TLL2: variants seen among roughly 807,000 people sequenced by gnomAD.
TLL2 encodes tolloid-like protein 2.
A neutral mutation model predicts 123.0 loss-of-function variants in TLL2; 106 were observed. That is an observed-to-expected ratio of 0.86 (90% CI 0.74 to 1.01). TLL2 has a LOEUF of 1.01. Among genes scored for constraint, TLL2 ranks in the 50% least tolerant of loss-of-function variants. The pLI is 0.00. For synonymous variants in TLL2, 494 were observed against 516.8 expected, an observed-to-expected ratio of 0.96 and a Z score of 0.60; for missense variants, 1,332 against 1,336.7, an observed-to-expected ratio of 1.00 and a Z score of 0.06.
intron 3 of TLL2, among the ~76,000 whole-genome samples, chr10:96,437,528 T>G (rs980921316): frequency 2.0e-5 from 3 of 152,240 alleles, no homozygotes; most frequent in African/African-American, 7.2e-5. Flanking sequence ...TGTTGTTATT[T>G]TATAACAATA....
intron 10 of TLL2, among the ~76,000 whole-genome samples, chr10:96,402,728 T>G (rs1179467776): frequency 6.6e-6 from 1 of 152,172 alleles, no homozygotes; most frequent in Non-Finnish European, 1.5e-5. Context: ...CTGACTGACT[T>G]CTTCTAATGC....
chr10:96,428,996 G>A (rs1846709119), intron 4 of TLL2, among the ~76,000 whole-genome samples: 1 of 152,028 alleles, frequency 6.6e-6, no homozygotes, highest in Non-Finnish European at 1.5e-5. Flanking sequence ...TAGAGATGGG[G>A]TTTCTCCATG....
chr10:96,498,335 G>C (rs551653594), intron 1 of TLL2, among the ~76,000 whole-genome samples: 1 of 152,134 alleles, frequency 6.6e-6, no homozygotes, highest in Admixed American at 6.6e-5. Flanking sequence ...GGGTTCTCAC[G>C]GGAAATATTA....
intron 3 of TLL2, among the ~76,000 whole-genome samples, chr10:96,444,861 T>C (rs1318108290): frequency 6.6e-6 from 1 of 152,216 alleles, no homozygotes; most frequent in African/African-American, 2.4e-5. Context: ...CATTCCTACA[T>C]AGGCGTCCGT....
At chr10:96,470,316 G>T (rs1339967366) in intron 2 of TLL2, among the ~76,000 whole-genome samples, 1 of 152,188 alleles carries the variant, frequency 6.6e-6, no homozygotes, top group African/African-American at 2.4e-5. Flanking sequence ...CCTCATGGGG[G>T]AGCAGGAGAG....
chr10:96,506,273 A>G (rs1379484731), intron 1 of TLL2, among the ~76,000 whole-genome samples: 36 of 149,638 alleles, frequency 2.4e-4, no homozygotes, highest in Middle Eastern at 3.4e-3. Flanking sequence ...AAAGAAAAAA[A>G]AAAAAGAAAA....
chr10:96,441,720 C>A lies in TLL2; in HGVS notation c.364+4371G>T, dbSNP rs573405684. Among the ~76,000 whole-genome samples, 3 of 152,250 alleles carry A rather than the reference C, an allele frequency of 2.0e-5. No individual in the cohort carries two copies. In the South Asian group the frequency reaches 6.2e-4, roughly 32 times the overall value. Reference sequence around the variant, plus strand: ...CCAGGTAATGAATGTCAAATGCCTGCGGTGAGTAAGGGCTCAGTGTGAGCT... The same window carrying A: ...CCAGGTAATGAATGTCAAATGCCTGAGGTGAGTAAGGGCTCAGTGTGAGCT... On this transcript the variant is annotated intron_variant, in intron 3 of 20. Coordinates refer to ENST00000357947, the MANE Select transcript of TLL2 (RefSeq NM_012465.4).
At chr10:96,507,797 A>C (rs1054836970) in intron 1 of TLL2, among the ~76,000 whole-genome samples, 1 of 152,180 alleles carries the variant, frequency 6.6e-6, no homozygotes, top group African/African-American at 2.4e-5. Context: ...ACTGGCTCAC[A>C]CCCTGCCCCA....
rs1846531559 is a variant in TLL2 at position 96,413,998 on chromosome 10, T to C, written c.924-682A>G. Among the ~76,000 whole-genome samples, 3 of 152,222 alleles carry C rather than the reference T, an allele frequency of 2.0e-5. No homozygotes were observed. The South Asian group carries it at 6.2e-4, about 31-fold the overall frequency. ...AATAAGAAATTTGTTGAGATGGTCA[T>C]GGCAGCCCCTTCTATCTCTAACATC... On this transcript the variant is annotated intron_variant, in intron 7 of 20. Transcript: ENST00000357947.
At chr10:96,483,732 G>C (rs1381663034) in intron 1 of TLL2, among the ~76,000 whole-genome samples, 1 of 152,136 alleles carries the variant, frequency 6.6e-6, no homozygotes, top group Non-Finnish European at 1.5e-5. Context: ...GTTACAAGAG[G>C]GGAGGAGGCC....
At chr10:96,459,586 C>A (rs572015829) in intron 2 of TLL2, among the ~76,000 whole-genome samples, 1 of 141,870 alleles carries the variant, frequency 7.0e-6, no homozygotes, top group Non-Finnish European at 1.5e-5. Context: ...AGAAGAATCA[C>A]GTGAATCTGT....
intron 1 of TLL2, among the ~76,000 whole-genome samples, chr10:96,494,149 G>T (rs568998557): frequency 2.6e-5 from 4 of 152,364 alleles, no homozygotes; most frequent in South Asian, 4.1e-4. Context: ...CAGAGTGCAG[G>T]AGGGGTTGGG....
Position 96,395,278 on chromosome 10 carries a change from C to G in TLL2, c.1635G>C (p.Glu545Asp). 4.3e-6 allele frequency: 7 copies of G among 1,614,038 alleles called. No individual in the cohort carries two copies. Among genetic ancestry groups the G allele is most frequent in the Non-Finnish European group, 5.9e-6 (7 of 1,180,020 alleles). ...IGHFCGYEKPEDVKSSSNRLW... is the reference protein window; with the variant it reads ...IGHFCGYEKPDDVKSSSNRLW... ...GTCTGTTGGAGCTCGATTTCACATC[C>G]TCCGGCTTCTCATAGCCACAAAAGT... The change falls in exon 13 of 21, where the codon GAG becomes GAC. Residue 545 changes from glutamate to aspartate, a missense_variant. Transcript: ENST00000357947.
intron 2 of TLL2, among the ~76,000 whole-genome samples, chr10:96,452,901 C>T (rs577834181): frequency 6.6e-5 from 10 of 152,310 alleles, no homozygotes; most frequent in African/African-American, 2.2e-4. Context: ...ACAAGGCAAT[C>T]GCTACAGCAC....
chr10:96,476,238 A>ATTTTTTTTTTTT (rs1466902949), intron 2 of TLL2, among the ~76,000 whole-genome samples: 1 of 17,510 alleles, frequency 5.7e-5, no homozygotes, highest in Non-Finnish European at 1.2e-4. Flanking sequence ...ATATATATAT[A>ATTTTTTTTTTTT]TATTTTATTT....
chr10:96,484,590 T>TACACAC lies in TLL2; in HGVS notation c.176-4137_176-4132dup, dbSNP rs56286214. Reference sequence around the variant, plus strand: ...TTAAATGAGATCATGTACACATAAGTACACACACACACACACACACACACA... The same window carrying TACACAC: ...TTAAATGAGATCATGTACACATAAGTACACACACACACACACACACACACACACACA... On this transcript the variant is annotated intron_variant, in intron 1 of 20. Transcript: ENST00000357947. 5.3e-3 allele frequency among the ~76,000 whole-genome samples: 771 copies of TACACAC among 146,018 alleles called. 5 individuals carry two copies. The highest frequency in any genetic ancestry group is 6.7e-3 in the Non-Finnish European group (443 of 66,348).
intron 6 of TLL2, among the ~76,000 whole-genome samples, chr10:96,422,059 T>A (rs563820818): frequency 5.9e-5 from 9 of 152,316 alleles, no homozygotes; most frequent in Non-Finnish European, 1.0e-4. Flanking sequence ...TATTTTTTTT[T>A]AATCTAGACA....
At chr10:96,446,318 C>T (rs1409837898) in intron 2 of TLL2, 150 bp from the exon 3 acceptor site, 2 of 701,012 alleles carry the variant, frequency 2.9e-6, no homozygotes, top group Admixed American at 5.1e-5. Context: ...TGAGCCCTTA[C>T]CACATGGCCC....
chr10:96,395,741 C>G lies in TLL2; in HGVS notation c.1530+134G>C, dbSNP rs1846333376. 11 of 1,181,336 alleles carry G rather than the reference C, an allele frequency of 9.3e-6. No homozygotes were observed. In the South Asian group the frequency reaches 1.9e-4, roughly 21 times the overall value. The allele number at this position is 1,181,336 out of a possible 1,614,324, so 73.2% of individuals were successfully genotyped here. On this transcript the variant is annotated intron_variant, in intron 12 of 20. Transcript: ENST00000357947. Reference sequence around the variant, plus strand: ...GATGTTGATGTCAGATGTCCGGGCACAATTCACTATGGGCTTGAGAATAGC... The same window carrying G: ...GATGTTGATGTCAGATGTCCGGGCAGAATTCACTATGGGCTTGAGAATAGC...
Sources: allele counts gnomAD v4.1 joint callset (sites outside exome capture counted in the v4.1 genomes callset), GRCh38; gene constraint gnomAD v4.1.1; transcripts MANE v1.5; gene names NCBI Gene and HGNC (gene_info 2026-07-23, HGNC 2026-07-21).